ZNF385B: variants seen among roughly 807,000 people sequenced by gnomAD.
ZNF385B encodes zinc finger protein 385B, also known as zinc finger protein 533.
ZNF385B carries 23 observed loss-of-function variants against 39.2 expected under a neutral mutation model. That is an observed-to-expected ratio of 0.59 (90% CI 0.42 to 0.83). ZNF385B has a LOEUF of 0.83. Among genes scored for constraint, ZNF385B ranks in the 40% least tolerant of loss-of-function variants. The pLI is 0.00. For missense variants in ZNF385B, 552 were observed against 598.9 expected (o/e 0.92, Z 0.82); for synonymous variants, 205 against 222.6 (o/e 0.92, Z 0.70).
chr2:179,850,925 G>A (rs1684089993), intron 1 of ZNF385B, among the ~76,000 whole-genome samples: 1 of 152,206 alleles, frequency 6.6e-6, no homozygotes, highest in African/African-American at 2.4e-5. Flanking sequence ...TTATGCAACA[G>A]TTCAGATGTT....
chr2:179,679,794 C>T (rs1023743340), intron 3 of ZNF385B, among the ~76,000 whole-genome samples: 5 of 152,150 alleles, frequency 3.3e-5, no homozygotes, highest in South Asian at 2.1e-4. Context: ...TCAACTGATT[C>T]TGAAATTCTG....
Position 179,446,537 on chromosome 2 carries a change from C to T in ZNF385B, c.949G>A (p.Ala317Thr), listed in dbSNP as rs1189353494. The part of the protein sequence containing the change: ...VAVNSLSQLE[A>T]HNTGSKHKTM... ...GATAGCTGCTAACCTGTGTTGTGTG[C>T]CTCTAGCTGTGACAGGGAGTTCACA... is the stretch of plus-strand genomic sequence containing the variant. Residue 317 changes from alanine to threonine, a missense_variant, in exon 7 of 10, where the codon GCA becomes ACA. By Grantham distance (58) the Ala-to-Thr change is moderately conservative. Transcript: ENST00000410066. 6.2e-7 allele frequency: 1 copy of T among 1,613,482 alleles called. No individual in the cohort carries two copies. Among genetic ancestry groups the T allele is most frequent in the Non-Finnish European group, 8.5e-7 (1 of 1,179,698 alleles).
In ZNF385B at chr2:179,554,305, C is replaced by G. The variant is rs1033017599; in HGVS notation, c.299-9336G>C. Among the ~76,000 whole-genome samples the G allele has an allele frequency of 5.4e-5, 8 of 149,256 alleles. 1 individual carries two copies. The highest frequency in any genetic ancestry group is 5.3e-4 in the Admixed American group (8 of 14,980). Reference sequence around the variant, plus strand: ...GGTTCAAGAGAGAAAGAAATTGCATCTGGTTCATAAATGGGGTTCATAAAT... The same window carrying G: ...GGTTCAAGAGAGAAAGAAATTGCATGTGGTTCATAAATGGGGTTCATAAAT... On this transcript the variant is annotated intron_variant, in intron 3 of 9. Coordinates refer to ENST00000410066, the MANE Select transcript of ZNF385B (RefSeq NM_152520.6).
At chr2:179,797,855 T>C (rs1705771742) in intron 1 of ZNF385B, among the ~76,000 whole-genome samples, 1 of 152,170 alleles carries the variant, frequency 6.6e-6, no homozygotes, top group Non-Finnish European at 1.5e-5. Flanking sequence ...TTAGTGGTCA[T>C]TACCTCAATC....
At chr2:179,609,291 T>G (rs1689093422) in intron 3 of ZNF385B, among the ~76,000 whole-genome samples, 1 of 152,146 alleles carries the variant, frequency 6.6e-6, no homozygotes, top group African/African-American at 2.4e-5. Context: ...ATTGTGTTAA[T>G]TTTTAGCTCC....
intron 6 of ZNF385B, among the ~76,000 whole-genome samples, chr2:179,471,423 T>A (rs2052763806): frequency 6.6e-6 from 1 of 152,196 alleles, no homozygotes; most frequent in African/African-American, 2.4e-5. Flanking sequence ...ATTCAAGGGA[T>A]CCAATAACTT....
chr2:179,559,320 A>T (rs1251500567), intron 3 of ZNF385B, among the ~76,000 whole-genome samples: 1 of 151,088 alleles, frequency 6.6e-6, no homozygotes, highest in East Asian at 1.9e-4. Flanking sequence ...CTGGTACTCT[A>T]AAAGGTCTCT....
chr2:179,723,945 A>G (rs886151284), intron 3 of ZNF385B, among the ~76,000 whole-genome samples: 4 of 152,208 alleles, frequency 2.6e-5, no homozygotes, highest in Non-Finnish European at 4.4e-5. Flanking sequence ...CATACATCAT[A>G]TAAAAACTAG....
chr2:179,698,325 T>C (rs1347012638), intron 3 of ZNF385B, among the ~76,000 whole-genome samples: 1 of 152,186 alleles, frequency 6.6e-6, no homozygotes, highest in Non-Finnish European at 1.5e-5. Flanking sequence ...AAGCAATAGG[T>C]ATGGTAAAAA....
chr2:179,719,862 C>T (rs547930081), intron 3 of ZNF385B, among the ~76,000 whole-genome samples: 1 of 152,280 alleles, frequency 6.6e-6, no homozygotes, highest in African/African-American at 2.4e-5. Flanking sequence ...CTTCTAATTA[C>T]CTGTGAATGT....
intron 3 of ZNF385B, among the ~76,000 whole-genome samples, chr2:179,692,362 C>A (rs1364624609): frequency 3.3e-5 from 5 of 152,104 alleles, no homozygotes; most frequent in Non-Finnish European, 7.3e-5. Context: ...CAGTTCTTCC[C>A]CAAGCAAAAG....
At chr2:179,756,526 G>C (rs62180372) in intron 3 of ZNF385B, among the ~76,000 whole-genome samples, 7,270 of 152,226 alleles carry the variant, frequency 0.048, 257 homozygotes, top group Middle Eastern at 0.099. Context: ...ATGTTGGCCT[G>C]CCTTGCTAGG....
intron 5 of ZNF385B, among the ~76,000 whole-genome samples, chr2:179,516,794 T>C (rs1422538926): frequency 6.6e-6 from 1 of 152,142 alleles, no homozygotes; most frequent in Middle Eastern, 3.2e-3. Context: ...CACACTTCTT[T>C]ATTTTCTAAG....
chr2:179,631,152 T>C (rs1385499437), intron 3 of ZNF385B, among the ~76,000 whole-genome samples: 3 of 152,090 alleles, frequency 2.0e-5, no homozygotes, highest in African/African-American at 2.4e-5. Flanking sequence ...AACATTCAAA[T>C]TCAGGAAATA....
chr2:179,825,522 C>G (rs902255712), intron 1 of ZNF385B, among the ~76,000 whole-genome samples: 1 of 152,104 alleles, frequency 6.6e-6, no homozygotes, highest in African/African-American at 2.4e-5. Context: ...AAAATAACCA[C>G]CCCCCAGTAT....
chr2:179,593,580 T>A (rs1367349263), intron 3 of ZNF385B, among the ~76,000 whole-genome samples: 1 of 152,168 alleles, frequency 6.6e-6, no homozygotes, highest in Non-Finnish European at 1.5e-5. Context: ...TCCCAAAAGA[T>A]AACATAGTTC....
chr2:179,835,023 G>A (rs760694551), intron 1 of ZNF385B, among the ~76,000 whole-genome samples: 23 of 152,128 alleles, frequency 1.5e-4, no homozygotes, highest in Non-Finnish European at 2.8e-4. Context: ...TGAATTAGAG[G>A]AGACTAAAGA....
At chr2:179,821,249 C>T (rs889363499) in intron 1 of ZNF385B, among the ~76,000 whole-genome samples, 1 of 152,126 alleles carries the variant, frequency 6.6e-6, no homozygotes, top group Non-Finnish European at 1.5e-5. Context: ...AAGTAGTCAT[C>T]ATAAATGGAG....
intron 1 of ZNF385B, among the ~76,000 whole-genome samples, chr2:179,825,201 C>T (rs776892832): frequency 1.5e-4 from 23 of 152,126 alleles, no homozygotes; most frequent in Non-Finnish European, 2.8e-4. Context: ...CTTTGTATTA[C>T]AATACAATCA....
Sources: gnomAD v4.1 joint callset for allele counts (sites outside exome capture counted in the v4.1 genomes callset) on GRCh38, gnomAD v4.1.1 for gene constraint, MANE v1.5 for transcripts, NCBI Gene and HGNC (gene_info 2026-07-23, HGNC 2026-07-21) for gene names.